Variants in ZFR2 observed in about 807,000 individuals in gnomAD.
ZFR2 encodes the protein zinc finger RNA binding protein 2, also known as zinc finger RNA-binding protein 2.
In ZFR2, 104 loss-of-function variants were observed where a neutral mutation model predicts 105.7. The ratio of observed to expected loss-of-function variants is 0.98; its 90% CI spans 0.84 to 1.16. The LOEUF (loss-of-function observed/expected upper bound fraction) is 1.16. Ranked by LOEUF, ZFR2 falls within the 50% of genes most tolerant of loss-of-function variation. The pLI is 0.00. For missense variants in ZFR2, 1,425 were observed against 1,355.5 expected, an observed-to-expected ratio of 1.05 and a Z score of -0.80; for synonymous variants, 634 against 597.7, an observed-to-expected ratio of 1.06 and a Z score of -0.89.
At chr19:3,837,922 G>A (rs536552444) in intron 1 of ZFR2, among the ~76,000 whole-genome samples, 33 of 151,848 alleles carry the variant, frequency 2.2e-4, no homozygotes, top group African/African-American at 6.5e-4. Context: ...TGTGACACAC[G>A]ATGAACATGA....
chr19:3,849,145 G>C (rs1424389573), intron 1 of ZFR2, among the ~76,000 whole-genome samples: 1 of 152,198 alleles, frequency 6.6e-6, no homozygotes, highest in Non-Finnish European at 1.5e-5. Context: ...CTCCAACCTG[G>C]AGGCCCAGGC....
At chr19:3,811,553 C>T (rs2037765775) in intron 14 of ZFR2, among the ~76,000 whole-genome samples, 187 bp from the exon 15 acceptor site, 1 of 151,574 alleles carries the variant, frequency 6.6e-6, no homozygotes, top group Non-Finnish European at 1.5e-5. Context: ...CTCCGGGGTT[C>T]AAGTGATTCT....
intron 11 of ZFR2, 80 bp downstream of exon 11, chr19:3,820,102 C>T (rs1450266316): frequency 6.4e-6 from 9 of 1,398,668 alleles, no homozygotes; most frequent in Admixed American, 2.0e-5. Context: ...GGGGGGAGGC[C>T]GGGTCCTCCC....
chr19:3,836,950 T>C (rs751374047), intron 1 of ZFR2, among the ~76,000 whole-genome samples: 26 of 151,950 alleles, frequency 1.7e-4, no homozygotes, highest in Admixed American at 1.3e-3. Flanking sequence ...TCCAACCCCA[T>C]AGGGGAAGGA....
Position 3,820,226 on chromosome 19 carries a change from G to C in ZFR2, c.1696C>G (p.Leu566Val). Residue 566 changes from leucine (L) to valine (V), a missense_variant, in exon 11 of 19, where the codon CTG (leucine) becomes GTG (valine). By Grantham distance (32) the Leu-to-Val change is conservative. Coordinates refer to ENST00000262961, the MANE Select transcript of ZFR2 (RefSeq NM_015174.2). ...GGTGACTCCGGCCTGCCCATGAGCA[G>C]AGGCTGGGCCCAGTCGGGCGGCGCG... ...PHAPPDWAQP[L>V]LMGRPESPAS... The C allele has an allele frequency of 6.4e-7, 1 of 1,551,994 alleles. No individual in the cohort carries two copies. The highest frequency in any genetic ancestry group is 8.7e-7 in the Non-Finnish European group (1 of 1,147,766).
intron 1 of ZFR2, among the ~76,000 whole-genome samples, chr19:3,854,886 A>C (rs2038280471): frequency 6.6e-6 from 1 of 151,942 alleles, no homozygotes; most frequent in Admixed American, 6.6e-5. Context: ...CAGCATCCCA[A>C]GTAGCTGAGA....
intron 12 of ZFR2, among the ~76,000 whole-genome samples, chr19:3,817,432 G>C (rs1353261676): frequency 1.3e-5 from 2 of 151,758 alleles, no homozygotes; most frequent in Non-Finnish European, 2.9e-5. Flanking sequence ...GGTGGCGGGT[G>C]CCTGTAATCT....
chr19:3,805,934 G>T lies in ZFR2; in HGVS notation c.*15C>A. ...GCAGGGATGCAAAGGCCCGCAGGTGGGGGAGGTAGGCGGCTCACACGAGCC... is the reference window on the plus strand; with the variant it reads ...GCAGGGATGCAAAGGCCCGCAGGTGTGGGAGGTAGGCGGCTCACACGAGCC... On this transcript the variant is annotated 3_prime_UTR_variant, in exon 19 of 19. Transcript: ENST00000262961. 6.6e-7 allele frequency: 1 copy of T among 1,520,566 alleles called. No individual in the cohort carries two copies. Among genetic ancestry groups the T allele is most frequent in the East Asian group, 2.5e-5 (1 of 39,688 alleles). 94.2% of individuals were successfully genotyped at this position (1,520,566 alleles called of 1,614,324 possible).
intron 1 of ZFR2, among the ~76,000 whole-genome samples, chr19:3,862,388 C>G (rs997516460): frequency 1.3e-5 from 2 of 152,176 alleles, no homozygotes; most frequent in Non-Finnish European, 2.9e-5. Context: ...ACCTCCACCT[C>G]CCGGATTCAA....
rs752748310 is a variant in ZFR2 at position 3,811,266 on chromosome 19, C to A, written c.2337+6G>T. ...TCTCCCCCTGCTCCACCCCTGCCCCCCTGACCTGAAACCACCTGGCATGAC... is the reference window on the plus strand; with the variant it reads ...TCTCCCCCTGCTCCACCCCTGCCCCACTGACCTGAAACCACCTGGCATGAC... On this transcript the variant is annotated splice_donor_region_variant and intron_variant, in intron 15 of 18. Transcript: ENST00000262961. 7.6e-6 allele frequency: 12 copies of A among 1,579,568 alleles called. No homozygotes were observed. Among genetic ancestry groups the A allele is most frequent in the Non-Finnish European group, 8.6e-6 (10 of 1,164,140 alleles).
At chr19:3,835,836 C>G (rs2038072727) in intron 1 of ZFR2, among the ~76,000 whole-genome samples, 1 of 146,926 alleles carries the variant, frequency 6.8e-6, no homozygotes, top group African/African-American at 2.7e-5. Context: ...GCCTGCAGTG[C>G]CAGCTACTCA....
Position 3,813,753 on chromosome 19 carries a change from T to C in ZFR2, c.2242+67A>G, listed in dbSNP as rs928715215. 1 of 1,590,426 alleles carries C rather than the reference T, an allele frequency of 6.3e-7. No individual in the cohort carries two copies. ...GCAGAGGCGGACGCTGCCCCAGGCCTGGGTGTGGGGAGCGCCCTGGGGAAG... is the reference window on the plus strand; with the variant it reads ...GCAGAGGCGGACGCTGCCCCAGGCCCGGGTGTGGGGAGCGCCCTGGGGAAG... On this transcript the variant is annotated intron_variant, in intron 14 of 18. Transcript: ENST00000262961. This position sits in a 1 kb window ranked among gnomAD's most constrained non-coding sequence, Gnocchi z 4.4.
rs572119424 is a variant in ZFR2 at position 3,855,355 on chromosome 19, T to C, written c.53+13610A>G. 69 of 1,231,468 alleles carry C rather than the reference T, an allele frequency of 5.6e-5. No homozygotes were observed. In the African/African-American group the frequency reaches 9.8e-4, roughly 17 times the overall value. The allele number at this position is 1,231,468 out of a possible 1,614,324, so 76.3% of individuals were successfully genotyped here. A position where few individuals can be genotyped will look rare whatever the true frequency, so the allele number is the denominator to read the frequency against. ...CTGAGGCACCATTTTAAAGATGATATTGCTTTTGCGGGTTGCACTATGAGA... is the reference window on the plus strand; with the variant it reads ...CTGAGGCACCATTTTAAAGATGATACTGCTTTTGCGGGTTGCACTATGAGA... On this transcript the variant is annotated intron_variant, in intron 1 of 18. Coordinates refer to ENST00000262961, the MANE Select transcript of ZFR2 (RefSeq NM_015174.2).
In ZFR2 at chr19:3,822,262, C is replaced by T. The variant is rs1238120229; in HGVS notation, c.1372-62G>A. 15 of 1,534,856 alleles carry T rather than the reference C, an allele frequency of 9.8e-6. No homozygotes were observed. The East Asian group carries it at 3.2e-4, about 33-fold the overall frequency. ...AGGCGGGGTGGGATGTGAGATGCTA[C>T]CGCTGCCAGGTCGCGGCGGAGCCTT... On this transcript the variant is annotated intron_variant, in intron 8 of 18. Transcript: ENST00000262961.
chr19:3,853,723 C>A (rs111342087), intron 1 of ZFR2, among the ~76,000 whole-genome samples: 1 of 152,000 alleles, frequency 6.6e-6, no homozygotes, highest in Non-Finnish European at 1.5e-5. Context: ...CCTTTTGGGC[C>A]GATAGGAATG....
At position 3,813,573 on chromosome 19, in the gene ZFR2, C is replaced by A. The variant is rs1322507814; in HGVS notation, c.2242+247G>T. The stretch of plus-strand genomic sequence containing the variant: ...GGGAGGTGACACGGTGTCGCTTGCC[C>A]GAGCAAGGCCCCTGCAGCCAGGCTC... On this transcript the variant is annotated intron_variant, in intron 14 of 18. Transcript: ENST00000262961. The surrounding 1 kb of genome is among the most constrained non-coding windows in gnomAD (Gnocchi z 4.4). Among the ~76,000 whole-genome samples, 2 of 152,162 alleles carry A rather than the reference C, an allele frequency of 1.3e-5. No homozygotes were observed. The highest frequency in any genetic ancestry group is 4.8e-5 in the African/African-American group (2 of 41,446).
chr19:3,854,806 C>G (rs1599253640), intron 1 of ZFR2, among the ~76,000 whole-genome samples: 1 of 152,224 alleles, frequency 6.6e-6, no homozygotes, highest in Non-Finnish European at 1.5e-5. Context: ...CTCTGTCACC[C>G]TGGCTAGAGT....
At chr19:3,861,985 C>T (rs1488589291) in intron 1 of ZFR2, among the ~76,000 whole-genome samples, 2 of 152,242 alleles carry the variant, frequency 1.3e-5, no homozygotes, top group South Asian at 2.1e-4. Flanking sequence ...TCCCTTTCTA[C>T]GTGTTTTCCT....
intron 7 of ZFR2, among the ~76,000 whole-genome samples, chr19:3,824,255 G>A (rs1205878714): frequency 6.6e-6 from 1 of 152,172 alleles, no homozygotes; most frequent in Admixed American, 6.5e-5. Flanking sequence ...AGCTATGATT[G>A]CACCTCTGCA....
Sources: allele counts gnomAD v4.1 joint callset (sites outside exome capture counted in the v4.1 genomes callset), GRCh38; gene constraint gnomAD v4.1.1; non-coding constraint Gnocchi (gnomAD v3.1); transcripts MANE v1.5; gene names NCBI Gene and HGNC (gene_info 2026-07-23, HGNC 2026-07-21).